The following TLCD4 variants were observed in gnomAD, a reference collection of about 807,000 sequenced individuals.
TLCD4 encodes the protein TLC domain-containing protein 4.
TLCD4 carries 7 observed loss-of-function variants against 24.2 expected under a neutral mutation model. The observed-to-expected ratio is 0.29, with a 90% CI of 0.16 to 0.54. The LOEUF is 0.54. Ranked by LOEUF, TLCD4 falls within the 20% of genes least tolerant of loss-of-function variation. The pLI, the probability that TLCD4 is intolerant of heterozygous loss-of-function variation, is 0.95. For synonymous variants in TLCD4, 103 were observed against 106.4 expected (o/e 0.97, Z 0.20); for missense variants, 259 against 313.9 (o/e 0.82, Z 1.32).
chr1:95,127,685 A>G (rs1676776661), intron 1 of TLCD4, among the ~76,000 whole-genome samples: 1 of 152,228 alleles, frequency 6.6e-6, no homozygotes, highest in Non-Finnish European at 1.5e-5. Context: ...CCCAGACAGT[A>G]GAGAGCCACC....
chr1:95,186,589 C>G (rs1230337426), intron 6 of TLCD4, among the ~76,000 whole-genome samples: 1 of 152,076 alleles, frequency 6.6e-6, no homozygotes, highest in African/African-American at 2.4e-5. Context: ...AATGGGTTCA[C>G]TGAGGTATAA....
At chr1:95,128,083 A>G (rs1220629680) in intron 1 of TLCD4, among the ~76,000 whole-genome samples, 1 of 152,196 alleles carries the variant, frequency 6.6e-6, no homozygotes, top group Non-Finnish European at 1.5e-5. Context: ...CCTGGGCGAA[A>G]GAGTAACACC....
chr1:95,115,088 TTA>T (rs71588543), upstream of TLCD4, among the ~76,000 whole-genome samples: 101 of 143,822 alleles, frequency 7.0e-4, no homozygotes, highest in African/African-American at 2.3e-3. Flanking sequence ...TATATACACA[TTA>T]TATATATATA....
rs1679185915 is a variant in TLCD4 at position 95,195,793 on chromosome 1, G to A, written c.*3925G>A. ...AGGATCTGGAGTTAGAGGAGGCATTGAGAGTGCTTTTCCCTTAAACGCCGT... is the reference window on the plus strand; with the variant it reads ...AGGATCTGGAGTTAGAGGAGGCATTAAGAGTGCTTTTCCCTTAAACGCCGT... On this transcript the variant is annotated 3_prime_UTR_variant, in exon 7 of 7. Coordinates refer to ENST00000370203, the MANE Select transcript of TLCD4 (RefSeq NM_152487.3). 6.6e-6 allele frequency: 1 copy of A among 152,196 alleles called. No homozygotes were observed. The highest frequency in any genetic ancestry group is 1.5e-5 in the Non-Finnish European group (1 of 68,028). The allele number at this position is 152,196 out of a possible 1,614,324, so 9.4% of individuals were successfully genotyped here.
chr1:95,120,780 A>G (rs962428984), intron 1 of TLCD4, among the ~76,000 whole-genome samples: 1 of 152,238 alleles, frequency 6.6e-6, no homozygotes, highest in Non-Finnish European at 1.5e-5. Context: ...AGGGCATAGC[A>G]AGTATATGTG....
chr1:95,171,309 G>A (rs141452069), intron 5 of TLCD4, among the ~76,000 whole-genome samples: 21 of 152,028 alleles, frequency 1.4e-4, no homozygotes, highest in South Asian at 6.2e-4. Flanking sequence ...TATCCTAGTC[G>A]TACCATTTTA....
At chr1:95,095,621 T>C in the TLCD4 span, among the ~76,000 whole-genome samples, 1 of 152,120 alleles carries the variant, frequency 6.6e-6, no homozygotes, top group Admixed American at 6.6e-5. Flanking sequence ...ATGGTTTCAG[T>C]CTCCTGACCT....
At position 95,192,963 on chromosome 1, in the gene TLCD4, GAA is replaced by G. The variant is rs1213958933; in HGVS notation, c.*1097_*1098del. On this transcript the variant is annotated 3_prime_UTR_variant, in exon 7 of 7. Coordinates refer to ENST00000370203, the MANE Select transcript of TLCD4 (RefSeq NM_152487.3). ...GCTAATCGGAGGAATCATTAAGAAA[GAA>G]AGTTTTAACACTGTTTATCCCTATC... is the stretch of plus-strand genomic sequence containing the variant. 6.6e-6 allele frequency: 1 copy of G among 152,112 alleles called. No individual in the cohort carries two copies. The highest frequency in any genetic ancestry group is 1.5e-5 in the Non-Finnish European group (1 of 67,976). The allele number at this position is 152,112 out of a possible 1,614,324, so 9.4% of individuals were successfully genotyped here. A position where few individuals can be genotyped will look rare whatever the true frequency, so the allele number is the denominator to read the frequency against.
intron 5 of TLCD4, among the ~76,000 whole-genome samples, chr1:95,158,114 G>T (rs2100959430): frequency 6.6e-6 from 1 of 151,788 alleles, no homozygotes; most frequent in Admixed American, 6.6e-5. Flanking sequence ...AATGCTAGTT[G>T]TCACTCAGTT....
rs1188061128 is a variant in TLCD4, at chr1:95,135,395, CT to C, written c.-11-8477del. Among the ~76,000 whole-genome samples, 604 of 130,490 alleles carry C rather than the reference CT, an allele frequency of 4.6e-3. 6 individuals carry two copies. Among genetic ancestry groups the C allele is most frequent in the Middle Eastern group, 7.9e-3 (2 of 252 alleles). 85.6% of individuals were successfully genotyped at this position (130,490 alleles called of 152,430 possible). ...GTTCCTGGTCTCATTTTTTTGTACA[CT>C]TTTTTTTTTTTTTTTTTTGAGACAG... On this transcript the variant is annotated intron_variant, in intron 1 of 6. Transcript: ENST00000370203.
intron 1 of TLCD4, among the ~76,000 whole-genome samples, chr1:95,143,265 A>G (rs111928152): frequency 8.5e-5 from 13 of 152,264 alleles, no homozygotes; most frequent in African/African-American, 3.1e-4. Flanking sequence ...GGAAGTCAGT[A>G]TGAATCGGCC....
At position 95,196,032 on chromosome 1, in the gene TLCD4, A is replaced by G. The variant is rs562388093; in HGVS notation, c.*4164A>G. ...TTCTCTCATTGAAAAAAAGCATTGT[A>G]GTAAAGTTTAAAGTGGAGCTCAGAC... is the stretch of plus-strand genomic sequence containing the variant. On this transcript the variant is annotated 3_prime_UTR_variant, in exon 7 of 7. Transcript: ENST00000370203. 2 of 152,328 alleles carry G rather than the reference A, an allele frequency of 1.3e-5. No individual in the cohort carries two copies. Among genetic ancestry groups the G allele is most frequent in the East Asian group, 3.9e-4 (2 of 5,186 alleles). The allele number at this position is 152,328 out of a possible 1,614,324, so 9.4% of individuals were successfully genotyped here. A position where few individuals can be genotyped will look rare whatever the true frequency, so the allele number is the denominator to read the frequency against.
the TLCD4 span, among the ~76,000 whole-genome samples, chr1:95,095,365 G>A: frequency 2.0e-5 from 3 of 152,000 alleles, no homozygotes; most frequent in Admixed American, 2.0e-4. Context: ...CTGTTTCTCG[G>A]CACATTACTT....
At chr1:95,097,365 G>A in the TLCD4 span, among the ~76,000 whole-genome samples, 1 of 152,040 alleles carries the variant, frequency 6.6e-6, no homozygotes, top group South Asian at 2.1e-4. Flanking sequence ...AGTTCTCTAG[G>A]CACACCATCT....
At chr1:95,146,857 C>T (rs999127505) in intron 2 of TLCD4, among the ~76,000 whole-genome samples, 1 of 152,066 alleles carries the variant, frequency 6.6e-6, no homozygotes, top group Non-Finnish European at 1.5e-5. Flanking sequence ...CCATTTACCA[C>T]ATAACATCTC....
At chr1:95,169,743 A>C (rs1678144370) in intron 5 of TLCD4, among the ~76,000 whole-genome samples, 1 of 152,096 alleles carries the variant, frequency 6.6e-6, no homozygotes, top group South Asian at 2.1e-4. Flanking sequence ...TAGTGTGATC[A>C]CAGCTCACAG....
chr1:95,162,833 A>T (rs1209429539), intron 5 of TLCD4, among the ~76,000 whole-genome samples: 1 of 152,020 alleles, frequency 6.6e-6, no homozygotes, highest in East Asian at 1.9e-4. Context: ...ATTGGCCCCC[A>T]CTCTGTTCTG....
At chr1:95,180,822 A>T (rs1427843806) in intron 6 of TLCD4, among the ~76,000 whole-genome samples, 2 of 152,230 alleles carry the variant, frequency 1.3e-5, no homozygotes, top group African/African-American at 2.4e-5. Flanking sequence ...TTCAGTACCT[A>T]AATGTCCCAT....
intron 1 of TLCD4, among the ~76,000 whole-genome samples, chr1:95,132,478 A>T (rs1444698771): frequency 3.7e-5 from 5 of 134,046 alleles, no homozygotes; most frequent in Non-Finnish European, 8.0e-5. Flanking sequence ...AAAAAAAAAA[A>T]GTAGTCTCAG....
Sources: gnomAD v4.1 joint callset for allele counts (sites outside exome capture counted in the v4.1 genomes callset) on GRCh38, gnomAD v4.1.1 for gene constraint, MANE v1.5 for transcripts, NCBI Gene and HGNC (gene_info 2026-07-23, HGNC 2026-07-21) for gene names.